NPNT: variants seen among roughly 807,000 people sequenced by gnomAD.
The protein encoded by NPNT is preosteoblast EGF-like repeat protein with MAM domain.
A neutral mutation model predicts 68.6 loss-of-function variants in NPNT; 45 were observed. That is an observed-to-expected ratio of 0.66 (90% CI 0.52 to 0.84). The LOEUF (loss-of-function observed/expected upper bound fraction) is 0.84, where lower values mean the gene tolerates loss of function less well. NPNT is among the 40% of genes least tolerant of loss of function. The pLI, the probability that NPNT is intolerant of heterozygous loss-of-function variation, is 0.00. For synonymous variants in NPNT, 233 were observed against 253.3 expected (o/e 0.92, Z 0.76); for missense variants, 672 against 714.8 (o/e 0.94, Z 0.68).
At chr4:105,939,933 T>C (rs1729799261) in intron 5 of NPNT, 142 bp from the exon 6 acceptor site, 1 of 659,890 alleles carries the variant, frequency 1.5e-6, no homozygotes, top group Non-Finnish European at 2.6e-6. Flanking sequence ...TTATGTTGCC[T>C]GTAGGGACAA....
At chr4:105,904,073 C>G (rs971056339) in intron 2 of NPNT, among the ~76,000 whole-genome samples, 1 of 152,170 alleles carries the variant, frequency 6.6e-6, no homozygotes, top group Non-Finnish European at 1.5e-5. Flanking sequence ...CGTGAGCCAT[C>G]TTGCCCAGCT....
At chr4:105,914,351 C>T (rs1373773347) in intron 2 of NPNT, among the ~76,000 whole-genome samples, 6 of 134,686 alleles carry the variant, frequency 4.5e-5, no homozygotes, top group Non-Finnish European at 9.4e-5. Flanking sequence ...TCTCTCTCTC[C>T]ATTCTCTCTC....
At chr4:105,925,705 CAAT>C (rs1269409573) in intron 2 of NPNT, among the ~76,000 whole-genome samples, 1 of 152,152 alleles carries the variant, frequency 6.6e-6, no homozygotes, top group African/African-American at 2.4e-5. Context: ...GCTCTTCACT[CAAT>C]GATTATTGAA....
chr4:105,945,171 G>T (rs565456368), intron 8 of NPNT, among the ~76,000 whole-genome samples: 1 of 35,676 alleles, frequency 2.8e-5, no homozygotes, highest in Non-Finnish European at 8.8e-5. Context: ...TTAATTGACA[G>T]ATAATAACAA....
In NPNT at chr4:105,938,410, G is replaced by C. The variant is rs1729667767; in HGVS notation, c.495G>C (p.Arg165Ser). 1.2e-6 allele frequency: 2 copies of C among 1,613,324 alleles called. No individual in the cohort carries two copies. The highest frequency in any genetic ancestry group is 1.7e-5 in the Admixed American group (1 of 59,898). Residue 165 changes from arginine to serine, a missense_variant, in exon 5 of 12, where the codon AGG (arginine) becomes AGC (serine). Physicochemically the swap from Arg to Ser is moderately radical, Grantham distance 110 (BLOSUM62 -1). Transcript: ENST00000379987. ...GCCTGCAGCTGGCTCCTGATGGGAG[G>C]ACCTGTGTAGGTGAGTTGTAAAATC... is the stretch of plus-strand genomic sequence containing the variant. ...SPGLQLAPDG[R>S]TCVDVDECAT... is the part of the protein sequence containing the mutation.
At chr4:105,908,730 AT>A (rs1303665832) in intron 2 of NPNT, among the ~76,000 whole-genome samples, 19 of 151,692 alleles carry the variant, frequency 1.3e-4, no homozygotes, top group African/African-American at 4.4e-4. Context: ...ACACCAACTA[AT>A]TTTTTGTATT....
intron 3 of NPNT, among the ~76,000 whole-genome samples, chr4:105,934,160 TGTA>T (rs1294001745): frequency 1.3e-5 from 2 of 152,192 alleles, no homozygotes; most frequent in Non-Finnish European, 2.9e-5. Flanking sequence ...TGCTTATTAT[TGTA>T]GGAGTATTTA....
chr4:105,937,093 A>G lies in NPNT; in HGVS notation c.350A>G (p.Asn117Ser), dbSNP rs769950986. The G allele has an allele frequency of 9.3e-6, 15 of 1,613,674 alleles. No individual in the cohort carries two copies. The highest frequency in any genetic ancestry group is 2.2e-5 in the South Asian group (2 of 91,080). ...GGCAGCTACAAGTGCTACTGTCTCA[A>G]CGGATATATGCTCATGCCGGATGGT... ...TYGSYKCYCLNGYMLMPDGSC... is the reference protein window; with the variant it reads ...TYGSYKCYCLSGYMLMPDGSC... The change falls in exon 4 of 12, where the codon AAC (asparagine) becomes AGC (serine). Residue 117 changes from asparagine (N) to serine (S), a missense_variant. Physicochemically the swap from Asn to Ser is conservative, Grantham distance 46. Transcript: ENST00000379987.
intron 9 of NPNT, 59 bp from the exon 10 acceptor site, chr4:105,958,969 C>A: frequency 9.4e-7 from 1 of 1,066,348 alleles, no homozygotes; most frequent in South Asian, 1.3e-5. Context: ...TTCATAGATT[C>A]ATTTGTTGTT....
intron 3 of NPNT, among the ~76,000 whole-genome samples, chr4:105,932,185 A>G (rs1277410575): frequency 7.0e-6 from 1 of 142,762 alleles, no homozygotes. Context: ...ACAACGTGAT[A>G]GTGTAGGGAA....
At chr4:105,908,140 A>T (rs2149326551) in intron 2 of NPNT, among the ~76,000 whole-genome samples, 1 of 152,218 alleles carries the variant, frequency 6.6e-6, no homozygotes, top group Non-Finnish European at 1.5e-5. Flanking sequence ...TTTGGAGAAC[A>T]AACCGTTTTA....
intron 10 of NPNT, among the ~76,000 whole-genome samples, chr4:105,959,416 C>A (rs980203444): frequency 6.6e-5 from 10 of 151,834 alleles, no homozygotes; most frequent in African/African-American, 2.4e-4. Flanking sequence ...GCAAATAATT[C>A]TTAAGTTATT....
chr4:105,942,339 C>T lies in NPNT; in HGVS notation c.796C>T (p.Pro266Ser). 6.2e-7 allele frequency: 1 copy of T among 1,608,668 alleles called. No homozygotes were observed. The highest frequency in any genetic ancestry group is 8.5e-7 in the Non-Finnish European group (1 of 1,176,150). The change falls in exon 8 of 12, where the codon CCA (proline) becomes TCA (serine). Residue 266 changes from proline (P) to serine (S), a missense_variant. Physicochemically the swap from Pro to Ser is moderately conservative, Grantham distance 74. Transcript: ENST00000379987. ...AAAAGTTATGATTGAACCTTCAGGT[C>T]CAATTCATGTACCAAAGGGAAATGG... ...IPKVMIEPSG[P>S]IHVPKGNGTI... is the part of the protein sequence containing the mutation.
At position 105,971,652 on chromosome 4, in the gene NPNT, T is replaced by C. The variant is rs979749696; in HGVS notation, c.*2662T>C. 5 of 153,044 alleles carry C rather than the reference T, an allele frequency of 3.3e-5. No homozygotes were observed. Among genetic ancestry groups the C allele is most frequent in the African/African-American group, 1.2e-4 (5 of 41,442 alleles). The allele number at this position is 153,044 out of a possible 1,614,324, so 9.5% of individuals were successfully genotyped here. ...CCTAATAAAAACAATTATTTGTAAATAAAAACACTGTTAGTAATACCAGTT... is the reference window on the plus strand; with the variant it reads ...CCTAATAAAAACAATTATTTGTAAACAAAAACACTGTTAGTAATACCAGTT... On this transcript the variant is annotated 3_prime_UTR_variant, in exon 12 of 12. Transcript: ENST00000379987.
rs765048573 is a variant in NPNT at position 105,937,036 on chromosome 4, G to A, written c.293G>A (p.Arg98Gln). 7 of 1,613,282 alleles carry A rather than the reference G, an allele frequency of 4.3e-6. No homozygotes were observed. The highest frequency in any genetic ancestry group is 3.3e-5 in the Admixed American group (2 of 59,900). Residue 98 changes from arginine to glutamine, a missense_variant, in exon 4 of 12, where the codon CGG (arginine) becomes CAG (glutamine). Physicochemically the swap from Arg to Gln is conservative, Grantham distance 43. Transcript: ENST00000379987. The stretch of plus-strand genomic sequence containing the variant: ...CTAAATGAGTGTGGCCTGAAGCCCC[G>A]GCCCTGTAAGCACAGGTGCATGAAC... ...QDLNECGLKP[R>Q]PCKHRCMNTY...
intron 2 of NPNT, among the ~76,000 whole-genome samples, chr4:105,904,111 A>G (rs1309243302): frequency 6.6e-6 from 1 of 152,142 alleles, no homozygotes; most frequent in Non-Finnish European, 1.5e-5. Context: ...TGCACTCAGC[A>G]TTCCATTGTA....
chr4:105,920,138 C>T (rs747112904), intron 2 of NPNT, among the ~76,000 whole-genome samples: 4 of 151,556 alleles, frequency 2.6e-5, no homozygotes, highest in East Asian at 1.9e-4. Context: ...CAATAACTAC[C>T]GTTATTCTTC....
intron 10 of NPNT, among the ~76,000 whole-genome samples, chr4:105,961,622 T>C (rs1487616177): frequency 6.6e-6 from 1 of 152,212 alleles, no homozygotes; most frequent in African/African-American, 2.4e-5. Flanking sequence ...CAAATCTCCC[T>C]TTCTCTCTGA....
intron 2 of NPNT, among the ~76,000 whole-genome samples, chr4:105,905,031 C>T (rs964493696): frequency 9.2e-5 from 14 of 151,612 alleles, no homozygotes; most frequent in African/African-American, 2.7e-4. Flanking sequence ...ACACCGCGCC[C>T]GGCCATTAGC....
Sources: allele counts gnomAD v4.1 joint callset (sites outside exome capture counted in the v4.1 genomes callset), GRCh38; gene constraint gnomAD v4.1.1; transcripts MANE v1.5; gene names NCBI Gene and HGNC (gene_info 2026-07-23, HGNC 2026-07-21).